The following SDK1 variants were observed in gnomAD, a reference collection of about 807,000 sequenced individuals.
SDK1 encodes the protein sidekick cell adhesion molecule 1.
Under a neutral mutation model 245.5 loss-of-function variants are expected in SDK1, and 157 were observed. The ratio of observed to expected loss-of-function variants is 0.64; its 90% CI spans 0.56 to 0.73. The LOEUF (loss-of-function observed/expected upper bound fraction) is 0.73, where lower values mean the gene tolerates loss of function less well. Among genes scored for constraint, SDK1 ranks in the 30% least tolerant of loss-of-function variants. SDK1 has a pLI of 0.00. For missense variants in SDK1, 3,583 were observed against 3,002.3 expected, an observed-to-expected ratio of 1.19 and a Z score of -4.52; for synonymous variants, 1,647 against 1,278.5, an observed-to-expected ratio of 1.29 and a Z score of -6.15.
chr7:3,626,501 C>T (rs1358354574), intron 2 of SDK1, among the ~76,000 whole-genome samples: 1 of 152,232 alleles, frequency 6.6e-6, no homozygotes, highest in Non-Finnish European at 1.5e-5. Context: ...TCAGCCTGCT[C>T]TTCAGCTAGT....
intron 1 of SDK1, among the ~76,000 whole-genome samples, chr7:3,414,895 C>T (rs1779318738): frequency 6.6e-6 from 1 of 152,182 alleles, no homozygotes; most frequent in African/African-American, 2.4e-5. Flanking sequence ...CATGTTGTAG[C>T]ATGTGTCAGA....
At chr7:3,532,948 T>G (rs760054790) in intron 1 of SDK1, among the ~76,000 whole-genome samples, 1 of 152,064 alleles carries the variant, frequency 6.6e-6, no homozygotes, top group Non-Finnish European at 1.5e-5. Flanking sequence ...CAGAAAAAAG[T>G]AGCAAAAACA....
chr7:4,160,855 G>C (rs186920425), intron 31 of SDK1, among the ~76,000 whole-genome samples: 8 of 152,310 alleles, frequency 5.3e-5, no homozygotes, highest in Admixed American at 3.3e-4. Flanking sequence ...GGCACTGCCA[G>C]GGCTGAGGAG....
In SDK1 at chr7:4,113,230, C is replaced by A. The variant is rs552069584; in HGVS notation, c.3435-59C>A. ...GAAACAGTCAGCGCCTTTGTGGTTT[C>A]GTTCTTTTCCTTCTTACCTTTGCTT... On this transcript the variant is annotated intron_variant, in intron 23 of 44. Coordinates refer to ENST00000404826, the MANE Select transcript of SDK1 (RefSeq NM_152744.4). 35 of 1,566,480 alleles carry A rather than the reference C, an allele frequency of 2.2e-5. No homozygotes were observed. In the South Asian group the frequency reaches 3.8e-4, roughly 17 times the overall value.
At chr7:3,390,705 C>T (rs1379404479) in intron 1 of SDK1, among the ~76,000 whole-genome samples, 4 of 152,044 alleles carry the variant, frequency 2.6e-5, no homozygotes, top group Non-Finnish European at 5.9e-5. Flanking sequence ...GTCAATAATG[C>T]CAAGTATTGT....
chr7:4,181,105 C>A (rs1782579691), intron 35 of SDK1, among the ~76,000 whole-genome samples: 1 of 152,244 alleles, frequency 6.6e-6, no homozygotes, highest in African/African-American at 2.4e-5. Context: ...GCCCCCTTTT[C>A]CCTCTTTTCC....
At chr7:3,520,745 C>A (rs1782912113) in intron 1 of SDK1, among the ~76,000 whole-genome samples, 1 of 152,132 alleles carries the variant, frequency 6.6e-6, no homozygotes, top group Non-Finnish European at 1.5e-5. Context: ...ACCCTTTTAC[C>A]AGCATTTAAA....
At chr7:3,782,971 A>G (rs945786584) in intron 4 of SDK1, among the ~76,000 whole-genome samples, 3 of 152,222 alleles carry the variant, frequency 2.0e-5, no homozygotes, top group Admixed American at 6.5e-5. Flanking sequence ...CAGATTTCTC[A>G]ACAAAATACT....
chr7:3,999,449 G>T (rs1784915140), intron 14 of SDK1, among the ~76,000 whole-genome samples: 1 of 152,262 alleles, frequency 6.6e-6, no homozygotes, highest in South Asian at 2.1e-4. Flanking sequence ...TGGATCTGAG[G>T]ATCAAGACCG....
At chr7:3,462,235 C>T (rs1462934383) in intron 1 of SDK1, among the ~76,000 whole-genome samples, 1 of 152,098 alleles carries the variant, frequency 6.6e-6, no homozygotes, top group Non-Finnish European at 1.5e-5. Flanking sequence ...CACCGCTTGC[C>T]GCTCTATCGT....
chr7:3,363,606 G>A (rs1195520310), intron 1 of SDK1, among the ~76,000 whole-genome samples: 1 of 152,164 alleles, frequency 6.6e-6, no homozygotes, highest in East Asian at 1.9e-4. Flanking sequence ...GTGGGAGGTG[G>A]TGTGGATGGT....
chr7:3,523,652 C>T (rs570427216), intron 1 of SDK1, among the ~76,000 whole-genome samples: 164 of 152,222 alleles, frequency 1.1e-3, no homozygotes, highest in African/African-American at 3.8e-3. Context: ...GCATAGTCTA[C>T]CAGAATGAGT....
intron 4 of SDK1, among the ~76,000 whole-genome samples, chr7:3,815,991 G>C (rs1335206320): frequency 7.0e-6 from 1 of 143,250 alleles, no homozygotes; most frequent in Non-Finnish European, 1.5e-5. Flanking sequence ...GCTCCTGAAT[G>C]ACTACTGGGT....
rs892136356 is a variant in SDK1, at chr7:3,651,106, A to G, written c.713+9001A>G. On this transcript the variant is annotated intron_variant, in intron 4 of 44. Coordinates refer to ENST00000404826, the MANE Select transcript of SDK1 (RefSeq NM_152744.4). ...CCCAGGAGTGGAATGACTGGGCTGT[A>G]TGGTATTTGCATGTTTAGTTTTAGT... Among the ~76,000 whole-genome samples, 6 of 148,198 alleles carry G rather than the reference A, an allele frequency of 4.0e-5. No individual in the cohort carries two copies. The South Asian group carries it at 1.1e-3, about 27-fold the overall frequency.
At chr7:3,923,862 G>A (rs1343320572) in intron 5 of SDK1, among the ~76,000 whole-genome samples, 3 of 152,196 alleles carry the variant, frequency 2.0e-5, no homozygotes, top group Non-Finnish European at 4.4e-5. Flanking sequence ...TTCACTTCGT[G>A]TCCAGGTGGA....
chr7:3,425,546 C>T (rs553075148), intron 1 of SDK1, among the ~76,000 whole-genome samples: 3 of 152,082 alleles, frequency 2.0e-5, no homozygotes, highest in South Asian at 2.1e-4. Context: ...TCACAGACCT[C>T]GATAAATAAC....
chr7:3,629,118 C>T (rs1056409252), intron 2 of SDK1, among the ~76,000 whole-genome samples: 5 of 151,450 alleles, frequency 3.3e-5, no homozygotes, highest in African/African-American at 9.7e-5. Context: ...TGGTGAAACC[C>T]CGTCTCTACT....
At chr7:3,794,965 G>C (rs1190432600) in intron 4 of SDK1, among the ~76,000 whole-genome samples, 1 of 151,822 alleles carries the variant, frequency 6.6e-6, no homozygotes, top group Non-Finnish European at 1.5e-5. Flanking sequence ...TCATGTTGTT[G>C]TTACTATTAC....
At chr7:3,982,670 C>A (rs1783502767) in intron 13 of SDK1, among the ~76,000 whole-genome samples, 1 of 152,022 alleles carries the variant, frequency 6.6e-6, no homozygotes, top group African/African-American at 2.4e-5. Context: ...GCAACCCCAT[C>A]TCCACTAAAA....
Sources: gnomAD v4.1 joint callset for allele counts (sites outside exome capture counted in the v4.1 genomes callset) on GRCh38, gnomAD v4.1.1 for gene constraint, MANE v1.5 for transcripts, NCBI Gene and HGNC (gene_info 2026-07-23, HGNC 2026-07-21) for gene names.